Variants in CCDC141 observed in about 807,000 individuals in gnomAD.
CCDC141 encodes the protein coiled-coil domain-containing protein 141.
A neutral mutation model predicts 181.0 loss-of-function variants in CCDC141; 168 were observed. The observed-to-expected ratio is 0.93, with a 90% CI of 0.82 to 1.05. The LOEUF (loss-of-function observed/expected upper bound fraction) is 1.05, where lower values mean the gene tolerates loss of function less well. Ranked by LOEUF, CCDC141 falls within the 50% of genes least tolerant of loss-of-function variation. CCDC141 has a pLI of 0.00. For synonymous variants in CCDC141, 666 were observed against 642.3 expected (o/e 1.04, Z -0.56); for missense variants, 1,902 against 1,788.5 (o/e 1.06, Z -1.14).
At chr2:178,978,339 T>G (rs1402477665) in intron 3 of CCDC141, 145 bp downstream of exon 3, 3 of 455,084 alleles carry the variant, frequency 6.6e-6, no homozygotes, top group African/African-American at 6.1e-5. Flanking sequence ...CAATCAAAAA[T>G]TAAATATATT....
chr2:178,944,176 C>T (rs568973335), intron 6 of CCDC141, among the ~76,000 whole-genome samples: 1 of 152,258 alleles, frequency 6.6e-6, no homozygotes, highest in African/African-American at 2.4e-5. Flanking sequence ...TTGGCATTTC[C>T]AAGCCTTTTT....
At chr2:178,820,057 C>A in the CCDC141 span, among the ~76,000 whole-genome samples, 4 of 152,150 alleles carry the variant, frequency 2.6e-5, no homozygotes, top group Non-Finnish European at 4.4e-5. Flanking sequence ...TCCTGCTTAT[C>A]TGATACATAA....
At position 178,904,387 on chromosome 2, in the gene CCDC141, G is replaced by A. The variant is rs572670893; in HGVS notation, c.1265+942C>T. Among the ~76,000 whole-genome samples, 4 of 152,258 alleles carry A rather than the reference G, an allele frequency of 2.6e-5. No individual in the cohort carries two copies. In the South Asian group the frequency reaches 8.3e-4, roughly 32 times the overall value. On this transcript the variant is annotated intron_variant, in intron 8 of 23. Coordinates refer to ENST00000443758, the MANE Select transcript of CCDC141 (RefSeq NM_173648.4). ...CCAGATTCAGACTGTCTTCTGGAAA[G>A]AATGTTCCCCAAACCCAAAGTTACC...
intron 6 of CCDC141, among the ~76,000 whole-genome samples, chr2:178,924,919 C>A (rs1289311746): frequency 6.6e-6 from 1 of 152,154 alleles, no homozygotes; most frequent in Admixed American, 6.5e-5. Context: ...CTTTTTATTC[C>A]AAGCTTGTTA....
chr2:178,941,249 C>G (rs2154376858), intron 6 of CCDC141, among the ~76,000 whole-genome samples: 1 of 152,292 alleles, frequency 6.6e-6, no homozygotes, highest in African/African-American at 2.4e-5. Flanking sequence ...TCCATCTGTT[C>G]AAACCCCATC....
chr2:179,049,038 T>G (rs1182665446), intron 1 of CCDC141, among the ~76,000 whole-genome samples: 1 of 152,138 alleles, frequency 6.6e-6, no homozygotes, highest in Non-Finnish European at 1.5e-5. Flanking sequence ...ACTGAATTAT[T>G]TAGGTGGAAT....
At chr2:178,861,507 A>G (rs34259102) in intron 17 of CCDC141, among the ~76,000 whole-genome samples, 40,785 of 151,728 alleles carry the variant, frequency 0.27, 7,201 homozygotes, top group Non-Finnish European at 0.4. Flanking sequence ...ATGGTGGTGC[A>G]TGCCTGTAAT....
intron 21 of CCDC141, among the ~76,000 whole-genome samples, chr2:178,849,264 C>T (rs372795524): frequency 6.6e-5 from 10 of 152,162 alleles, no homozygotes; most frequent in East Asian, 1.9e-4. Context: ...GTCAATCCTC[C>T]GGGCTACCCT....
chr2:178,822,856 G>A, the CCDC141 span, among the ~76,000 whole-genome samples: 2 of 152,178 alleles, frequency 1.3e-5, no homozygotes, highest in Non-Finnish European at 2.9e-5. Flanking sequence ...TGTACAGCCA[G>A]TGTCATATAA....
intron 6 of CCDC141, among the ~76,000 whole-genome samples, chr2:178,929,918 A>G (rs2154375711): frequency 6.6e-6 from 1 of 152,248 alleles, no homozygotes; most frequent in Non-Finnish European, 1.5e-5. Flanking sequence ...GTAATTCATG[A>G]GTACACTGTA....
chr2:178,915,114 A>C (rs1279248989), intron 7 of CCDC141, among the ~76,000 whole-genome samples: 1 of 152,096 alleles, frequency 6.6e-6, no homozygotes, highest in African/African-American at 2.4e-5. Flanking sequence ...TCAGGGCTAC[A>C]GTGAGCTGTG....
intron 2 of CCDC141, among the ~76,000 whole-genome samples, chr2:179,040,052 T>C (rs1057131469): frequency 1.3e-5 from 2 of 152,110 alleles, no homozygotes; most frequent in Non-Finnish European, 2.9e-5. Context: ...TGGTGAGTGG[T>C]TGGGGGAGAA....
rs183447921 is a variant in CCDC141 at position 178,952,263 on chromosome 2, C to T, written c.781-7612G>A. ...TCTGATTTTGTATGCTAGTGATTAT[C>T]CAGTAAAGCTCAGAAAGTGACCATC... On this transcript the variant is annotated intron_variant, in intron 5 of 23. Coordinates refer to ENST00000443758, the MANE Select transcript of CCDC141 (RefSeq NM_173648.4). 6.5e-3 allele frequency among the ~76,000 whole-genome samples: 994 copies of T among 152,202 alleles called. 4 individuals are homozygous for T. The highest frequency in any genetic ancestry group is 7.5e-3 in the Non-Finnish European group (509 of 68,024).
intron 2 of CCDC141, among the ~76,000 whole-genome samples, chr2:179,000,339 T>C (rs935579677): frequency 2.0e-5 from 3 of 152,186 alleles, no homozygotes; most frequent in South Asian, 2.1e-4. Flanking sequence ...TAACATATTG[T>C]CCACAGCTAC....
At chr2:179,045,697 T>G (rs992819051) in intron 2 of CCDC141, among the ~76,000 whole-genome samples, 1 of 152,096 alleles carries the variant, frequency 6.6e-6, no homozygotes, top group Non-Finnish European at 1.5e-5. Flanking sequence ...TTTTAATGAT[T>G]GCCATTCTAA....
intron 2 of CCDC141, among the ~76,000 whole-genome samples, chr2:178,985,948 T>A (rs1430612191): frequency 6.6e-6 from 1 of 152,150 alleles, no homozygotes; most frequent in Non-Finnish European, 1.5e-5. Context: ...AAAGAGGGAA[T>A]CCACCCTAAC....
rs1461546057 is a variant in CCDC141, at chr2:178,856,277, T to C, written c.2845A>G (p.Met949Val). The C allele has an allele frequency of 1.2e-6, 2 of 1,610,962 alleles. No homozygotes were observed. Among genetic ancestry groups the C allele is most frequent in the Non-Finnish European group, 8.5e-7 (1 of 1,178,560 alleles). The change falls in exon 18 of 24, where the codon ATG (methionine) becomes GTG (valine). Residue 949 changes from methionine (M) to valine (V), a missense_variant. Transcript: ENST00000443758. ...ALKYQIQQVD[M>V]YAEKMQALKR... is the part of the protein sequence containing the mutation. Reference sequence around the variant, plus strand: ...GTTACCTGCATTTTTTCAGCATACATATCAACTTGCTGAATTTGATATTTA... The same window carrying C: ...GTTACCTGCATTTTTTCAGCATACACATCAACTTGCTGAATTTGATATTTA...
At chr2:178,946,371 A>C (rs1052456265) in intron 5 of CCDC141, among the ~76,000 whole-genome samples, 7 of 152,132 alleles carry the variant, frequency 4.6e-5, no homozygotes, top group African/African-American at 1.7e-4. Flanking sequence ...TTCTCCCAAA[A>C]ATTCAGTGAG....
intron 5 of CCDC141, among the ~76,000 whole-genome samples, chr2:178,947,033 A>G (rs1450412528): frequency 1.3e-5 from 2 of 152,204 alleles, no homozygotes; most frequent in Non-Finnish European, 2.9e-5. Flanking sequence ...ATTCATACAC[A>G]GGAGCAGACT....
Sources: allele counts gnomAD v4.1 joint callset (sites outside exome capture counted in the v4.1 genomes callset), GRCh38; gene constraint gnomAD v4.1.1; transcripts MANE v1.5; gene names NCBI Gene and HGNC (gene_info 2026-07-23, HGNC 2026-07-21).